The following ZNF397 variants were observed in gnomAD, a reference collection of about 807,000 sequenced individuals.
ZNF397 encodes the protein zinc finger and SCAN domain-containing protein 15.
In ZNF397, 38 loss-of-function variants were observed where a neutral mutation model predicts 50.6. That is an observed-to-expected ratio of 0.75 (90% CI 0.58 to 0.98). The LOEUF is 0.98. Among genes scored for constraint, ZNF397 ranks in the 50% least tolerant of loss-of-function variants. ZNF397 has a pLI of 0.00. For synonymous variants in ZNF397, 228 were observed against 215.2 expected, an observed-to-expected ratio of 1.06 and a Z score of -0.52; for missense variants, 624 against 624.1, an observed-to-expected ratio of 1.00 and a Z score of 0.00.
downstream of ZNF397, chr18:35,259,072 C>T (rs540749857): frequency 7.2e-4 from 110 of 153,300 alleles, 1 homozygote; most frequent in Middle Eastern, 0.02. Context: ...CAAAATACCA[C>T]AGAATGGGTG....
intron 3 of ZNF397, among the ~76,000 whole-genome samples, chr18:35,245,001 AAG>A (rs1392731211): frequency 2.6e-5 from 4 of 152,206 alleles, no homozygotes; most frequent in East Asian, 1.9e-4. Flanking sequence ...TCAGTTGAGA[AAG>A]AGATTGTAAA....
At chr18:35,244,121 C>T (rs550935837) in intron 3 of ZNF397, 7 of 154,516 alleles carry the variant, frequency 4.5e-5, no homozygotes, top group African/African-American at 1.7e-4. Context: ...TGTATTCAAT[C>T]AATATGTGTT....
chr18:35,241,492 G>A (rs557749851), intron 1 of ZNF397: 11 of 152,276 alleles, frequency 7.2e-5, no homozygotes, highest in Admixed American at 6.5e-4. Context: ...ACAAACTAAG[G>A]GCATACATTC....
intron 3 of ZNF397, chr18:35,243,623 A>G (rs1281424932): frequency 3.5e-6 from 2 of 570,114 alleles, no homozygotes; most frequent in African/African-American, 1.9e-5. Context: ...AATGTAGTAA[A>G]TTATAGAATA....
At position 35,246,057 on chromosome 18, in the gene ZNF397, A is replaced by G. The variant is rs1439697464; in HGVS notation, c.1352A>G (p.Lys451Arg). Reference sequence around the variant, plus strand: ...CATCAGAGAATACATAGTGGAGAGAAACCCTATGAATGTAGTGAATGTGGA... The same window carrying G: ...CATCAGAGAATACATAGTGGAGAGAGACCCTATGAATGTAGTGAATGTGGA... ...ITHQRIHSGEKPYECSECGKA... is the reference protein window; with the variant it reads ...ITHQRIHSGERPYECSECGKA... The change falls in exon 4 of 4, where the codon AAA becomes AGA. Residue 451 changes from lysine to arginine, a missense_variant. Transcript: ENST00000330501. 6.4e-7 allele frequency: 1 copy of G among 1,561,982 alleles called. No homozygotes were observed. The highest frequency in any genetic ancestry group is 8.7e-7 in the Non-Finnish European group (1 of 1,153,094).
In ZNF397 at chr18:35,243,247, A is replaced by G; in HGVS notation, c.510A>G (p.Leu170=). The G allele has an allele frequency of 6.2e-7, 1 of 1,614,212 alleles. No individual in the cohort carries two copies. The highest frequency in any genetic ancestry group is 1.1e-5 in the South Asian group (1 of 91,088). The part of the protein sequence containing the change: ...QESTDIHLQP[L]KTQLKSWKPC... Reference sequence around the variant, plus strand: ...CAACAGACATCCACCTCCAGCCCTTAAAGACACAGCTGAAATCCTGGAAAC... The same window carrying G: ...CAACAGACATCCACCTCCAGCCCTTGAAGACACAGCTGAAATCCTGGAAAC... Residue 170 remains leucine (L), a synonymous_variant, in exon 3 of 4, where the codon TTA becomes TTG. Coordinates refer to ENST00000330501, the MANE Select transcript of ZNF397 (RefSeq NM_001135178.3).
intron 3 of ZNF397, among the ~76,000 whole-genome samples, chr18:35,244,658 T>C (rs995634635): frequency 6.6e-6 from 1 of 152,042 alleles, no homozygotes; most frequent in African/African-American, 2.4e-5. Context: ...TGATCCTCAG[T>C]GTCAATGCTA....
downstream of ZNF397, chr18:35,252,542 TAGAGA>T (rs1364324753): frequency 4.6e-5 from 7 of 152,212 alleles, no homozygotes; most frequent in East Asian, 1.9e-4. Flanking sequence ...ATTTCTGCAG[TAGAGA>T]AGAGTCTTCA....
At chr18:35,244,722 A>G (rs1912799890) in intron 3 of ZNF397, among the ~76,000 whole-genome samples, 1 of 133,618 alleles carries the variant, frequency 7.5e-6, no homozygotes, top group Non-Finnish European at 1.6e-5. Flanking sequence ...AGAGCTATGA[A>G]GTGATCTTGA....
At chr18:35,241,318 C>T (rs1912479416) in intron 1 of ZNF397, 1 of 152,206 alleles carries the variant, frequency 6.6e-6, no homozygotes, top group Non-Finnish European at 1.5e-5. Context: ...CCCGTGACTT[C>T]GTAAATGCTG....
chr18:35,245,061 G>A (rs2043449752), intron 3 of ZNF397, among the ~76,000 whole-genome samples: 1 of 152,114 alleles, frequency 6.6e-6, no homozygotes, highest in Non-Finnish European at 1.5e-5. Flanking sequence ...TCTCAAAAGA[G>A]GCAGGAAAGG....
Position 35,246,707 on chromosome 18 carries a change from T to TAAAAA in ZNF397, c.*409_*413dup. 1 of 932,516 alleles carries TAAAAA rather than the reference T, an allele frequency of 1.1e-6. No homozygotes were observed. The highest frequency in any genetic ancestry group is 1.2e-6 in the Non-Finnish European group (1 of 801,232). The allele number at this position is 932,516 out of a possible 1,614,324, so 57.8% of individuals were successfully genotyped here. A position where few individuals can be genotyped will look rare whatever the true frequency, so the allele number is the denominator to read the frequency against. ...GTGTGAGGCACTTCGTCTCAGGAAC[T>TAAAAA]AAAAAAAAAAAAAAAACTGACCCAA... is the stretch of plus-strand genomic sequence containing the variant. On this transcript the variant is annotated 3_prime_UTR_variant, in exon 4 of 4. Transcript: ENST00000330501.
At chr18:35,243,065 TGTCATCATTGACC>T in intron 2 of ZNF397, 74 bp from the exon 3 acceptor site, 1 of 1,579,162 alleles carries the variant, frequency 6.3e-7, no homozygotes, top group Non-Finnish European at 8.6e-7. Context: ...TCCCTGGAGA[TGTCATCATTGACC>T]TCTTTGAGAT....
At chr18:35,257,965 C>T (rs2043897375) in exon 6 of ZNF397, 1 of 781,038 alleles carries the variant, frequency 1.3e-6, no homozygotes, top group South Asian at 1.3e-5. Context: ...AAATCACCTG[C>T]ACCCAAATCT....
chr18:35,254,436 C>A (rs183291401), downstream of ZNF397: 2 of 1,612,468 alleles, frequency 1.2e-6, no homozygotes, highest in South Asian at 2.2e-5. Context: ...ACAGAAGAAA[C>A]TGTTGTAGCA....
At chr18:35,250,090 C>T (rs559971413), downstream of ZNF397, among the ~76,000 whole-genome samples, 4 of 152,258 alleles carry the variant, frequency 2.6e-5, no homozygotes, top group East Asian at 7.7e-4. Flanking sequence ...CCATCTCACA[C>T]CTAGTATATT....
rs564690537 is a variant in ZNF397 at position 35,244,182 on chromosome 18, AGTT to A, written c.556+893_556+895del. The A allele has an allele frequency of 1.1e-4, 17 of 154,524 alleles. 1 individual carries two copies. In the South Asian group the frequency reaches 2.4e-3, roughly 22 times the overall value. The allele number at this position is 154,524 out of a possible 1,614,324, so 9.6% of individuals were successfully genotyped here. On this transcript the variant is annotated intron_variant, in intron 3 of 3. Transcript: ENST00000330501. ...GCTGACTCCTGTTCAACAGCATTTA[AGTT>A]GTTTTGCAACATCTGGTAATTATTA...
At chr18:35,254,739 A>G, downstream of ZNF397, 1 of 331,824 alleles carries the variant, frequency 3.0e-6, no homozygotes, top group South Asian at 2.9e-5. Context: ...TCAGGAAAAA[A>G]AAGTTAAAAG....
intron 3 of ZNF397, 60 bp downstream of exon 3, chr18:35,243,353 C>A (rs1188610236): frequency 4.3e-6 from 7 of 1,611,390 alleles, no homozygotes. Flanking sequence ...TTTGAGAATG[C>A]AGAATTAATT....
Sources: allele counts gnomAD v4.1 joint callset (sites outside exome capture counted in the v4.1 genomes callset), GRCh38; gene constraint gnomAD v4.1.1; transcripts MANE v1.5; gene names NCBI Gene and HGNC (gene_info 2026-07-23, HGNC 2026-07-21).